The following ATP13A3 variants were observed in gnomAD, a reference collection of about 807,000 sequenced individuals.
ATP13A3 encodes ATPase 13A3, also known as polyamine-transporting ATPase 13A3.
In ATP13A3, 59 loss-of-function variants were observed where a neutral mutation model predicts 158.1. The observed-to-expected ratio is 0.37, with a 90% CI of 0.30 to 0.46. The LOEUF (loss-of-function observed/expected upper bound fraction) is 0.46, where lower values mean the gene tolerates loss of function less well. Among genes scored for constraint, ATP13A3 ranks in the 20% least tolerant of loss-of-function variants. The pLI is 1.00. For synonymous variants in ATP13A3, 491 were observed against 504.3 expected (o/e 0.97, Z 0.35); for missense variants, 1,166 against 1,525.2 (o/e 0.76, Z 3.92).
rs115855066 is a variant in ATP13A3, at chr3:194,459,982, G to A, written c.226-11C>T. The A allele has an allele frequency of 8.0e-3, 12,854 of 1,603,668 alleles. 66 individuals are homozygous for A. Among genetic ancestry groups the A allele is most frequent in the Middle Eastern group, 0.018 (106 of 6,016 alleles). Reference sequence around the variant, plus strand: ...CATTTTGAATTCATCCTTAAAGAGAGAAAGGGATAACGGTAAGGAGTCAAT... The same window carrying A: ...CATTTTGAATTCATCCTTAAAGAGAAAAAGGGATAACGGTAAGGAGTCAAT... On this transcript the variant is annotated splice_polypyrimidine_tract_variant and intron_variant, in intron 4 of 33. Transcript: ENST00000645319.
At chr3:194,417,079 T>C (rs532381124) in intron 31 of ATP13A3, among the ~76,000 whole-genome samples, 1 of 152,300 alleles carries the variant, frequency 6.6e-6, no homozygotes, top group African/African-American at 2.4e-5. Context: ...CAAAATTTAT[T>C]GATCAACTCT....
intron 2 of ATP13A3, among the ~76,000 whole-genome samples, chr3:194,492,540 C>T (rs1013188259): frequency 1.1e-4 from 16 of 151,824 alleles, no homozygotes; most frequent in South Asian, 1.0e-3. Flanking sequence ...GTGCAACCTC[C>T]GCCTCCTGGG....
upstream of ATP13A3, among the ~76,000 whole-genome samples, chr3:194,489,624 C>T (rs971629950): frequency 2.0e-5 from 3 of 152,074 alleles, no homozygotes; most frequent in Non-Finnish European, 4.4e-5. The surrounding 1 kb of genome is among the most constrained non-coding windows in gnomAD (Gnocchi z 4.1). Context: ...TCAACGCGTT[C>T]GGGCTTTTAA....
In ATP13A3 at chr3:194,415,661, C is replaced by CTTTTTTTTTTTTT. The variant is rs751005733; in HGVS notation, c.3403-1835_3403-1823dup. ...GTGCAAGGATTTACAATACCACATTCTTTTTTTTTTTTTTTTTTTTTTTTT... is the reference window on the plus strand; with the variant it reads ...GTGCAAGGATTTACAATACCACATTCTTTTTTTTTTTTTTTTTTTTTTTTTTTTTTTTTTTTTT... On this transcript the variant is annotated intron_variant, in intron 31 of 33. Transcript: ENST00000645319. 1.5e-4 allele frequency among the ~76,000 whole-genome samples: 14 copies of CTTTTTTTTTTTTT among 90,926 alleles called. 2 individuals carry two copies. The highest frequency in any genetic ancestry group is 5.7e-4 in the African/African-American group (12 of 21,118). 59.7% of individuals were successfully genotyped at this position (90,926 alleles called of 152,430 possible).
In ATP13A3 at chr3:194,403,988, A is replaced by T; in HGVS notation, c.*1931T>A. ...GATGTTAAATACAATCGGATAATTG[A>T]ATTTTTAAGCTGCTACTTAGCAATT... On this transcript the variant is annotated 3_prime_UTR_variant, in exon 34 of 34. Coordinates refer to ENST00000645319, the MANE Select transcript of ATP13A3 (RefSeq NM_001367549.1). The T allele has an allele frequency of 2.6e-6, 1 of 381,858 alleles. No individual in the cohort carries two copies. Among genetic ancestry groups the T allele is most frequent in the Non-Finnish European group, 5.1e-6 (1 of 194,500 alleles). The allele number at this position is 381,858 out of a possible 1,614,324, so 23.7% of individuals were successfully genotyped here.
chr3:194,465,422 G>T (rs1218471737), intron 2 of ATP13A3, among the ~76,000 whole-genome samples: 3 of 152,180 alleles, frequency 2.0e-5, no homozygotes, highest in African/African-American at 7.2e-5. Flanking sequence ...TGTGTGTGAA[G>T]AAACTACCGA....
intron 26 of ATP13A3, 124 bp downstream of exon 26, chr3:194,429,948 T>C (rs1351077915): frequency 2.0e-6 from 2 of 1,014,108 alleles, no homozygotes; most frequent in African/African-American, 3.3e-5. Flanking sequence ...TACTAATAAG[T>C]TACAGCTCAA....
At chr3:194,454,569 C>T (rs182052832) in intron 8 of ATP13A3, among the ~76,000 whole-genome samples, 177 bp from the exon 9 acceptor site, 36 of 152,332 alleles carry the variant, frequency 2.4e-4, no homozygotes, top group South Asian at 6.2e-4. Context: ...TGGCTCACGC[C>T]TGTAATCCCA....
intron 2 of ATP13A3, among the ~76,000 whole-genome samples, chr3:194,484,105 GATGTT>G (rs1212118644): frequency 1.3e-5 from 2 of 152,178 alleles, no homozygotes; most frequent in African/African-American, 2.4e-5. Context: ...GAGGTTCAGA[GATGTT>G]ATGTTGCCTA....
At chr3:194,421,114 G>GTATATATATATATATATA (rs1553796302) in intron 30 of ATP13A3, among the ~76,000 whole-genome samples, 1 of 8,124 alleles carries the variant, frequency 1.2e-4, no homozygotes, top group African/African-American at 5.8e-4. Flanking sequence ...TGTGTAGGGT[G>GTATATATATATATATATA]TATATATATA....
At chr3:194,424,940 C>T (rs1377606952) in intron 30 of ATP13A3, among the ~76,000 whole-genome samples, 1 of 152,214 alleles carries the variant, frequency 6.6e-6, no homozygotes, top group African/African-American at 2.4e-5. Context: ...ACTGTTCCAA[C>T]TGAGGAACCT....
intron 2 of ATP13A3, among the ~76,000 whole-genome samples, chr3:194,483,761 G>A (rs976209498): frequency 6.6e-6 from 1 of 152,210 alleles, no homozygotes; most frequent in Non-Finnish European, 1.5e-5. Flanking sequence ...ACACCAAGAA[G>A]AAATTTAATT....
intron 17 of ATP13A3, 42 bp downstream of exon 17, chr3:194,438,814 G>T: frequency 7.9e-7 from 1 of 1,269,848 alleles, no homozygotes; most frequent in East Asian, 2.4e-5. Context: ...ATAAATATAA[G>T]TAACCACCAA....
chr3:194,438,128 C>T (rs1022510413), intron 17 of ATP13A3, among the ~76,000 whole-genome samples: 3 of 152,222 alleles, frequency 2.0e-5, no homozygotes, highest in African/African-American at 7.2e-5. Flanking sequence ...CTACTGCACT[C>T]CAGCCGGGGT....
chr3:194,462,295 A>G (rs1719718462), intron 2 of ATP13A3, 59 bp from the exon 3 acceptor site: 1 of 1,138,048 alleles, frequency 8.8e-7, no homozygotes, highest in Non-Finnish European at 1.3e-6. Flanking sequence ...TAGACGATAC[A>G]ACTGCATTCT....
chr3:194,435,158 A>C (rs776843795), intron 20 of ATP13A3, among the ~76,000 whole-genome samples: 273 of 152,304 alleles, frequency 1.8e-3, no homozygotes, highest in Non-Finnish European at 3.0e-3. Flanking sequence ...GGTGGTAAGG[A>C]TATTAGAGAA....
chr3:194,431,202 C>T lies in ATP13A3; in HGVS notation c.2446G>A (p.Asp816Asn). 6.2e-7 allele frequency: 1 copy of T among 1,613,508 alleles called. No homozygotes were observed. Among genetic ancestry groups the T allele is most frequent in the South Asian group, 1.1e-5 (1 of 91,046 alleles). The change falls in exon 23 of 34, where the codon GAT becomes AAT. Residue 816 changes from aspartate to asparagine, a missense_variant. This residue lies in a region of ATP13A3 where 997 missense variants were observed against 1,341.2 expected (regional missense o/e 0.74). Coordinates refer to ENST00000645319, the MANE Select transcript of ATP13A3 (RefSeq NM_001367549.1). ...GTCATTTGAAGATCCTCTAAGCTAT[C>T]ATGGACCAATTTAACCGGAATAGCC... The part of the protein sequence containing the change: ...PEAIPVKLVH[D>N]SLEDLQMTRY...
chr3:194,417,446 A>ACACACAC (rs1560072223), intron 31 of ATP13A3, among the ~76,000 whole-genome samples: 10 of 84,044 alleles, frequency 1.2e-4, no homozygotes, highest in South Asian at 7.8e-4. Context: ...CACACACACA[A>ACACACAC]AAGGAGGAAG....
rs1714878658 is a variant in ATP13A3, at chr3:194,405,636, G to T, written c.*283C>A. On this transcript the variant is annotated 3_prime_UTR_variant, in exon 34 of 34. Transcript: ENST00000645319. ...AAACTTCTCCTGTACCCAATATAAA[G>T]AATATCACTGAAAGTAACAATCAAG... The T allele has an allele frequency of 8.8e-6, 3 of 339,892 alleles. No homozygotes were observed. The highest frequency in any genetic ancestry group is 7.0e-5 in the South Asian group (2 of 28,486). 21.1% of individuals were successfully genotyped at this position (339,892 alleles called of 1,614,324 possible).
Sources: gnomAD v4.1 joint callset for allele counts (sites outside exome capture counted in the v4.1 genomes callset) on GRCh38, gnomAD v4.1.1 for gene constraint, gnomAD v4.1.1 regional missense constraint, Gnocchi (gnomAD v3.1) non-coding constraint, MANE v1.5 for transcripts, NCBI Gene and HGNC (gene_info 2026-07-23, HGNC 2026-07-21) for gene names.